Variants in EXTL3 observed in about 807,000 individuals in gnomAD.
EXTL3 encodes the protein exostosin-like 3.
A neutral mutation model predicts 69.3 loss-of-function variants in EXTL3; 27 were observed. The ratio of observed to expected loss-of-function variants is 0.39; its 90% confidence interval spans 0.29 to 0.54. The LOEUF is 0.54. EXTL3 is among the 20% of genes least tolerant of loss of function. The probability of loss-of-function intolerance (pLI) is 0.69; values close to 1 mark genes in which losing one functional copy is unlikely to be tolerated. For missense variants in EXTL3, 1,003 were observed against 1,231.8 expected (o/e 0.81, Z 2.78); for synonymous variants, 511 against 499.4 (o/e 1.02, Z -0.31).
intron 1 of EXTL3, among the ~76,000 whole-genome samples, chr8:28,674,736 A>G (rs1273450872): frequency 6.6e-6 from 1 of 152,190 alleles, no homozygotes; most frequent in Non-Finnish European, 1.5e-5. Flanking sequence ...GATAAAGCTG[A>G]GGACATTGAG....
chr8:28,686,141 C>T lies in EXTL3; in HGVS notation c.-52-27316C>T, dbSNP rs561370215. 1.6e-4 allele frequency: 25 copies of T among 152,232 alleles called. No individual in the cohort carries two copies. The South Asian group carries it at 2.7e-3, about 16-fold the overall frequency. The allele number at this position is 152,232 out of a possible 1,614,324, so 9.4% of individuals were successfully genotyped here. On this transcript the variant is annotated intron_variant, in intron 1 of 6. Coordinates refer to the EXTL3 transcript ENST00000523149. Reference sequence around the variant, plus strand: ...TTGGCCTTCCAAAGTGCTGGGATTACAGGCGTGAGCCACGGTGCCTGGCCT... The same window carrying T: ...TTGGCCTTCCAAAGTGCTGGGATTATAGGCGTGAGCCACGGTGCCTGGCCT...
At chr8:28,692,050 T>G (rs907154291) in intron 1 of EXTL3, among the ~76,000 whole-genome samples, 2 of 152,194 alleles carry the variant, frequency 1.3e-5, no homozygotes, top group South Asian at 4.1e-4. Flanking sequence ...TCACAGATAT[T>G]TAATATATTT....
rs576766032 is a variant in EXTL3 at position 28,717,686 on chromosome 8, G to A, written c.1627G>A (p.Ala543Thr). The A allele has an allele frequency of 5.6e-6, 9 of 1,614,190 alleles. No individual in the cohort carries two copies. The highest frequency in any genetic ancestry group is 3.3e-5 in the Admixed American group (2 of 60,030). The change falls in exon 3 of 7, where the codon GCT becomes ACT. Residue 543 changes from alanine (A) to threonine (T), a missense_variant. This residue lies in a region of EXTL3 where 742 missense variants were observed against 815.4 expected (regional missense o/e 0.91). Coordinates refer to ENST00000220562, the MANE Select transcript of EXTL3 (RefSeq NM_001440.4). The surrounding 1 kb of genome is among the most constrained non-coding windows in gnomAD (Gnocchi z 8.3). Reference sequence around the variant, plus strand: ...TAGGACTCGCATCCAGATCCCAGCCGCTCCCATCCGGGAAGAGGCGGCAGC... The same window carrying A: ...TAGGACTCGCATCCAGATCCCAGCCACTCCCATCCGGGAAGAGGCGGCAGC... ...MIRTRIQIPA[A>T]PIREEAAAEI...
chr8:28,756,431 T>C (rs547901599), downstream of EXTL3, among the ~76,000 whole-genome samples: 6 of 152,204 alleles, frequency 3.9e-5, no homozygotes, highest in Non-Finnish European at 5.9e-5. Context: ...CTGAATAGAT[T>C]GGTGATTAGT....
At chr8:28,709,092 A>T (rs240944) in intron 1 of EXTL3, among the ~76,000 whole-genome samples, 49,103 of 152,070 alleles carry the variant, frequency 0.32, 8,219 homozygotes, top group African/African-American at 0.42. Flanking sequence ...GTAACATAAT[A>T]AAGGCATTAA....
At chr8:28,655,270 G>A (rs1806987324) in intron 1 of EXTL3, among the ~76,000 whole-genome samples, 1 of 151,902 alleles carries the variant, frequency 6.6e-6, no homozygotes, top group African/African-American at 2.4e-5. Context: ...ACAGAGTGAG[G>A]CACTCTGTCT....
chr8:28,710,613 C>CTTTTTTTT (rs11446791), intron 1 of EXTL3: 10 of 272,850 alleles, frequency 3.7e-5, no homozygotes, highest in Admixed American at 5.3e-5. Flanking sequence ...TTCTTTCTTT[C>CTTTTTTTT]TTTTTTTTTT....
rs1055586308 is a variant in EXTL3, at chr8:28,751,672, C to T, written c.*806C>T. On this transcript the variant is annotated 3_prime_UTR_variant, in exon 7 of 7. Coordinates refer to ENST00000220562, the MANE Select transcript of EXTL3 (RefSeq NM_001440.4). The stretch of plus-strand genomic sequence containing the variant: ...GCTTGCCTCCGTACTTATCCCTGCT[C>T]TCCCATTTCTCTCTTGTTTGAGAGA... The T allele has an allele frequency of 3.3e-5, 5 of 149,782 alleles. No homozygotes were observed. The highest frequency in any genetic ancestry group is 3.3e-4 in the Admixed American group (5 of 15,196). 9.3% of individuals were successfully genotyped at this position (149,782 alleles called of 1,614,324 possible).
At chr8:28,655,902 G>T (rs2130612067) in intron 1 of EXTL3, among the ~76,000 whole-genome samples, 1 of 152,230 alleles carries the variant, frequency 6.6e-6, no homozygotes, top group Non-Finnish European at 1.5e-5. Context: ...CCTGAACAAG[G>T]ACAGTAGTTG....
intron 1 of EXTL3, among the ~76,000 whole-genome samples, chr8:28,695,024 C>T (rs189641712): frequency 1.3e-5 from 2 of 152,054 alleles, no homozygotes; most frequent in East Asian, 3.9e-4. Context: ...TCCAAATAAA[C>T]AAACAAACAA....
Position 28,669,340 on chromosome 8 carries a change from C to G in EXTL3, c.-52-44117C>G, listed in dbSNP as rs1232300681. Among the ~76,000 whole-genome samples the G allele has an allele frequency of 3.9e-5, 6 of 152,360 alleles. No individual in the cohort carries two copies. In the South Asian group the frequency reaches 1.0e-3, roughly 26 times the overall value. ...TTTCTTAATGGCATAATTATTGCAG[C>G]AGTTACCTACATCAGTACTTAAAGT... On this transcript the variant is annotated intron_variant, in intron 1 of 6. Coordinates refer to the EXTL3 transcript ENST00000523149.
At chr8:28,664,635 A>G (rs1365658555) in intron 1 of EXTL3, among the ~76,000 whole-genome samples, 2 of 152,198 alleles carry the variant, frequency 1.3e-5, no homozygotes, top group African/African-American at 2.4e-5. Flanking sequence ...TATAGAATCC[A>G]GAGTTCAAGA....
intron 4 of EXTL3, 51 bp downstream of exon 4, chr8:28,731,401 C>G: frequency 6.2e-7 from 1 of 1,602,554 alleles, no homozygotes. Flanking sequence ...GACAGAAAAC[C>G]TGGATTAGGC....
At chr8:28,640,887 C>T (rs1432746356) in intron 1 of EXTL3, among the ~76,000 whole-genome samples, 1 of 152,234 alleles carries the variant, frequency 6.6e-6, no homozygotes, top group East Asian at 1.9e-4. Flanking sequence ...TAGGCGTGAG[C>T]CACTACGCCC....
At chr8:28,645,647 C>A (rs1033796009) in intron 1 of EXTL3, among the ~76,000 whole-genome samples, 1 of 151,876 alleles carries the variant, frequency 6.6e-6, no homozygotes, top group Non-Finnish European at 1.5e-5. Flanking sequence ...TTATTATAAC[C>A]ACTTGTAGTC....
intron 1 of EXTL3, among the ~76,000 whole-genome samples, chr8:28,651,391 T>C (rs771253169): frequency 1.3e-5 from 2 of 152,160 alleles, no homozygotes; most frequent in African/African-American, 2.4e-5. Flanking sequence ...AGTGGCACTA[T>C]CATGACTCAC....
At chr8:28,708,159 A>G (rs1296906522) in intron 1 of EXTL3, among the ~76,000 whole-genome samples, 1 of 152,168 alleles carries the variant, frequency 6.6e-6, no homozygotes, top group Non-Finnish European at 1.5e-5. Context: ...GGGCGGCTCA[A>G]ACTCTGGTTC....
rs1298691193 is a variant in EXTL3 at position 28,715,832 on chromosome 8, T to G, written c.-228T>G. 3 of 569,996 alleles carry G rather than the reference T, an allele frequency of 5.3e-6. No individual in the cohort carries two copies. The African/African-American group carries it at 5.6e-5, about 11-fold the overall frequency. The allele number at this position is 569,996 out of a possible 1,614,324, so 35.3% of individuals were successfully genotyped here. On this transcript the variant is annotated 5_prime_UTR_variant, in exon 3 of 7. It removes an upstream start codon present in the reference 5' UTR. Coordinates refer to ENST00000220562, the MANE Select transcript of EXTL3 (RefSeq NM_001440.4). ...TATCGTTTGATAAAGATTAAGGACA[T>G]GTTCTTTGGTCAACAGCCAGAACTT... is the stretch of plus-strand genomic sequence containing the variant.
intron 1 of EXTL3, among the ~76,000 whole-genome samples, chr8:28,650,198 GAA>G (rs35238223): frequency 1.2e-4 from 11 of 95,240 alleles, no homozygotes; most frequent in African/African-American, 1.5e-4. Flanking sequence ...TCTGTCTCAG[GAA>G]AAAAAAAAAA....
Sources: gnomAD v4.1 joint callset for allele counts (sites outside exome capture counted in the v4.1 genomes callset) on GRCh38, gnomAD v4.1.1 for gene constraint, gnomAD v4.1.1 regional missense constraint, Gnocchi (gnomAD v3.1) non-coding constraint, MANE v1.5 for transcripts, NCBI Gene and HGNC (gene_info 2026-07-23, HGNC 2026-07-21) for gene names.